MCUB: variants seen among roughly 807,000 people sequenced by gnomAD.
MCUB encodes calcium uniporter regulatory subunit MCUb, mitochondrial.
In MCUB, 46 loss-of-function variants were observed where a neutral mutation model predicts 41.4. The observed-to-expected ratio is 1.11, with a 90% CI of 0.88 to 1.42. The LOEUF is 1.42. MCUB is among the 40% of genes most tolerant of loss of function. The pLI is 0.00. For synonymous variants in MCUB, 148 were observed against 148.2 expected (o/e 1.00, Z 0.01); for missense variants, 403 against 404.9 (o/e 1.00, Z 0.04).
rs373360206 is a variant in MCUB at position 109,638,027 on chromosome 4, GTTTGT to G, written c.100-20971_100-20967del. Among the ~76,000 whole-genome samples the G allele has an allele frequency of 4.0e-3, 609 of 152,216 alleles. 3 individuals carry two copies. Among genetic ancestry groups the G allele is most frequent in the Middle Eastern group, 0.031 (9 of 294 alleles). The stretch of plus-strand genomic sequence containing the variant: ...AATAAAATGAGTCACAACATTTTTT[GTTTGT>G]TTTGTTTTGTTTCCTAGTGCATATT... On this transcript the variant is annotated intron_variant, in intron 1 of 7. Coordinates refer to ENST00000394650, the MANE Select transcript of MCUB (RefSeq NM_017918.5).
At chr4:109,669,071 G>T (rs867392828) in intron 4 of MCUB, among the ~76,000 whole-genome samples, 3 of 151,890 alleles carry the variant, frequency 2.0e-5, no homozygotes, top group Non-Finnish European at 2.9e-5. Flanking sequence ...GATCAATTAA[G>T]AATAATAAAA....
intron 1 of MCUB, among the ~76,000 whole-genome samples, chr4:109,639,760 G>A (rs189596682): frequency 1.3e-5 from 2 of 152,316 alleles, no homozygotes; most frequent in East Asian, 1.9e-4. Flanking sequence ...GTGGTTGCGT[G>A]TATAGAACAC....
At chr4:109,598,323 G>GTGCTC (rs1561222139) in intron 1 of MCUB, among the ~76,000 whole-genome samples, 10 of 152,086 alleles carry the variant, frequency 6.6e-5, no homozygotes, top group African/African-American at 2.4e-4. Flanking sequence ...CTGAGTGAAC[G>GTGCTC]AGACTCCGTC....
chr4:109,660,758 G>C (rs914172209), intron 3 of MCUB, among the ~76,000 whole-genome samples: 1 of 151,850 alleles, frequency 6.6e-6, no homozygotes, highest in Non-Finnish European at 1.5e-5. Context: ...AGAGGTTGCA[G>C]TGAGCCGAGA....
intron 1 of MCUB, among the ~76,000 whole-genome samples, chr4:109,609,272 AGCCCCTAGGGCT>A (rs1407582793): frequency 1.3e-5 from 2 of 152,220 alleles, no homozygotes; most frequent in South Asian, 2.1e-4. Context: ...TAGACAGAGC[AGCCCCTAGGGCT>A]GCTGGTTGCC....
At chr4:109,618,951 C>CT (rs1241131613) in intron 1 of MCUB, among the ~76,000 whole-genome samples, 2 of 118,182 alleles carry the variant, frequency 1.7e-5, no homozygotes, top group Non-Finnish European at 3.3e-5. Flanking sequence ...GAACATTAAA[C>CT]TTCTCTCTCT....
At chr4:109,577,339 C>T (rs1000050216) in intron 1 of MCUB, among the ~76,000 whole-genome samples, 12 of 152,200 alleles carry the variant, frequency 7.9e-5, no homozygotes, top group Admixed American at 7.2e-4. Flanking sequence ...GTCAGCACTC[C>T]TTTTGTTTCA....
At chr4:109,567,293 T>G (rs1726804312) in intron 1 of MCUB, among the ~76,000 whole-genome samples, 1 of 152,104 alleles carries the variant, frequency 6.6e-6, no homozygotes, top group Admixed American at 6.6e-5. Context: ...AAATAATGAA[T>G]GCCCTGATCC....
intron 4 of MCUB, among the ~76,000 whole-genome samples, chr4:109,672,768 A>G (rs1729487231): frequency 6.6e-6 from 1 of 152,206 alleles, no homozygotes; most frequent in African/African-American, 2.4e-5. Flanking sequence ...AAGCAGCTCC[A>G]GCTAACCATT....
intron 1 of MCUB, 62 bp downstream of exon 1, chr4:109,560,498 A>G (rs1370090103): frequency 1.2e-6 from 1 of 802,768 alleles, no homozygotes; most frequent in Non-Finnish European, 1.7e-6. Context: ...TGCGTTGGAC[A>G]ACTTTGGCGG....
intron 1 of MCUB, among the ~76,000 whole-genome samples, chr4:109,654,022 T>C (rs532961713): frequency 2.6e-5 from 4 of 152,262 alleles, no homozygotes; most frequent in East Asian, 1.9e-4. Context: ...ATCCCTTTTA[T>C]CTTTGTGAAG....
chr4:109,684,102 G>A (rs1331884735), intron 5 of MCUB, among the ~76,000 whole-genome samples: 2 of 145,808 alleles, frequency 1.4e-5, no homozygotes, highest in African/African-American at 2.6e-5. Context: ...TTGCACTGTC[G>A]CCCAGGCTGG....
intron 1 of MCUB, among the ~76,000 whole-genome samples, chr4:109,609,081 C>G (rs1044559357): frequency 1.4e-5 from 2 of 148,100 alleles, no homozygotes; most frequent in African/African-American, 2.5e-5. Flanking sequence ...CTCTCTCTCT[C>G]TGTGCTGAGC....
At chr4:109,661,618 A>G (rs1044482489) in intron 3 of MCUB, among the ~76,000 whole-genome samples, 7 of 152,186 alleles carry the variant, frequency 4.6e-5, no homozygotes, top group Non-Finnish European at 1.0e-4. Flanking sequence ...ATGTTAAATA[A>G]TAAGTGTTAC....
chr4:109,680,377 C>G (rs1729689031), intron 4 of MCUB, among the ~76,000 whole-genome samples: 1 of 152,158 alleles, frequency 6.6e-6, no homozygotes, highest in Admixed American at 6.5e-5. Context: ...GCTGTTCACC[C>G]TGCCCATTCT....
chr4:109,642,045 G>GA (rs1482202579), intron 1 of MCUB, among the ~76,000 whole-genome samples: 1 of 152,174 alleles, frequency 6.6e-6, no homozygotes, highest in Non-Finnish European at 1.5e-5. Context: ...TTTGGCTCAG[G>GA]AAAATAGATA....
In MCUB at chr4:109,677,921, C is replaced by T. The variant is rs186442585; in HGVS notation, c.452-4661C>T. Reference sequence around the variant, plus strand: ...TGGAGAGAAGGTCAGCAGATAAACACGTGAACAAAGGTCTCTGGTTTTCCT... The same window carrying T: ...TGGAGAGAAGGTCAGCAGATAAACATGTGAACAAAGGTCTCTGGTTTTCCT... On this transcript the variant is annotated intron_variant, in intron 4 of 7. Coordinates refer to ENST00000394650, the MANE Select transcript of MCUB (RefSeq NM_017918.5). Among the ~76,000 whole-genome samples, 66 of 146,856 alleles carry T rather than the reference C, an allele frequency of 4.5e-4. No individual in the cohort carries two copies. The East Asian group carries it at 0.013, about 28-fold the overall frequency.
At chr4:109,593,192 G>T (rs772009027) in intron 1 of MCUB, among the ~76,000 whole-genome samples, 2 of 152,140 alleles carry the variant, frequency 1.3e-5, no homozygotes, top group Non-Finnish European at 2.9e-5. Flanking sequence ...ATACCCAAAG[G>T]TATATCAGGA....
chr4:109,671,077 C>G (rs971081780), intron 4 of MCUB, among the ~76,000 whole-genome samples: 1 of 152,188 alleles, frequency 6.6e-6, no homozygotes, highest in Non-Finnish European at 1.5e-5. Context: ...CAGCAATTTT[C>G]CCTCTAACCT....
Sources: allele counts gnomAD v4.1 joint callset (sites outside exome capture counted in the v4.1 genomes callset), GRCh38; gene constraint gnomAD v4.1.1; transcripts MANE v1.5; gene names NCBI Gene and HGNC (gene_info 2026-07-23, HGNC 2026-07-21).